Variants in ZBTB24 observed in about 807,000 individuals in gnomAD.
ZBTB24 encodes the protein zinc finger and BTB domain containing 24.
ZBTB24 carries 32 observed loss-of-function variants against 53.8 expected under a neutral mutation model. The observed-to-expected ratio is 0.60, with a 90% CI of 0.45 to 0.80. The LOEUF (loss-of-function observed/expected upper bound fraction) is 0.80, where lower values mean the gene tolerates loss of function less well. Ranked by LOEUF, ZBTB24 falls within the 30% of genes least tolerant of loss-of-function variation. The pLI is 0.00. For synonymous variants in ZBTB24, 297 were observed against 306.7 expected (o/e 0.97, Z 0.33); for missense variants, 722 against 837.1 (o/e 0.86, Z 1.70).
Position 109,465,894 on chromosome 6 carries a change from T to C in ZBTB24, c.2051A>G (p.His684Arg). ...AAGTGGCGTTGGCTGGGGCACGTGG[T>C]GAGTGGGTGGTGGCGGACCAGGCTC... ...TQEPGPPPPT[H>R]HVPQPTPLGQ... Residue 684 changes from histidine (H) to arginine (R), a missense_variant, in exon 7 of 7, where the codon CAC becomes CGC. Coordinates refer to ENST00000230122, the MANE Select transcript of ZBTB24 (RefSeq NM_014797.3). 6.2e-7 allele frequency: 1 copy of C among 1,614,084 alleles called. No individual in the cohort carries two copies. Among genetic ancestry groups the C allele is most frequent in the Non-Finnish European group, 8.5e-7 (1 of 1,180,014 alleles).
Position 109,476,840 on chromosome 6 carries a change from C to T in ZBTB24, c.1043G>A (p.Arg348Gln), listed in dbSNP as rs764052384. 6.8e-6 allele frequency: 11 copies of T among 1,614,122 alleles called. No homozygotes were observed. Among genetic ancestry groups the T allele is most frequent in the Admixed American group, 1.7e-5 (1 of 60,024 alleles). Residue 348 changes from arginine to glutamine, a missense_variant, in exon 3 of 7, where the codon CGG (arginine) becomes CAG (glutamine). By Grantham distance (43) the Arg-to-Gln change is conservative. Coordinates refer to ENST00000230122, the MANE Select transcript of ZBTB24 (RefSeq NM_014797.3). Reference sequence around the variant, plus strand: ...GCTGCACACGGTGCAGGTGTACGGCCGCTCGCCTGTGTGCATCCTGGTGTG... The same window carrying T: ...GCTGCACACGGTGCAGGTGTACGGCTGCTCGCCTGTGTGCATCCTGGTGTG... ...QVHTRMHTGERPYTCTVCSKA... is the reference protein window; with the variant it reads ...QVHTRMHTGEQPYTCTVCSKA...
At position 109,466,523 on chromosome 6, in the gene ZBTB24, G is replaced by A. The variant is rs769683635; in HGVS notation, c.1422C>T (p.Ser474=). ...CGICGKSFSD[S]SAKRRHCILH... is the part of the protein sequence containing the mutation. The stretch of plus-strand genomic sequence containing the variant: ...GAATGCAGTGTCTCCTTTTGGCACT[G>A]GAGTCAGAGAAGGATTTGCCACAAA... Residue 474 remains serine, a synonymous_variant, in exon 7 of 7, where the codon TCC becomes TCT. Coordinates refer to ENST00000230122, the MANE Select transcript of ZBTB24 (RefSeq NM_014797.3). 6.2e-7 allele frequency: 1 copy of A among 1,613,816 alleles called. No homozygotes were observed. The highest frequency in any genetic ancestry group is 8.5e-7 in the Non-Finnish European group (1 of 1,180,042).
At chr6:109,473,921 C>CAA (rs933883447) in intron 5 of ZBTB24, among the ~76,000 whole-genome samples, 29 of 144,760 alleles carry the variant, frequency 2.0e-4, no homozygotes, top group African/African-American at 7.3e-4. Flanking sequence ...CCTGTCTCTA[C>CAA]AAAAAAAAAA....
At position 109,464,539 on chromosome 6, in the gene ZBTB24, T is replaced by G. The variant is rs1473688171; in HGVS notation, c.*1312A>C. On this transcript the variant is annotated 3_prime_UTR_variant, in exon 7 of 7. Coordinates refer to ENST00000230122, the MANE Select transcript of ZBTB24 (RefSeq NM_014797.3). ...GGTAAAAGAATTCAATAAGCTTAGCTTGAAAACCTAACCCAAACATAATTT... is the reference window on the plus strand; with the variant it reads ...GGTAAAAGAATTCAATAAGCTTAGCGTGAAAACCTAACCCAAACATAATTT... 6.6e-6 allele frequency: 1 copy of G among 152,334 alleles called. No homozygotes were observed. The highest frequency in any genetic ancestry group is 2.4e-5 in the African/African-American group (1 of 41,582). The allele number at this position is 152,334 out of a possible 1,614,324, so 9.4% of individuals were successfully genotyped here.
chr6:109,467,006 C>G (rs1776059112), intron 6 of ZBTB24, among the ~76,000 whole-genome samples: 1 of 152,150 alleles, frequency 6.6e-6, no homozygotes, highest in South Asian at 2.1e-4. Context: ...ATTTGTGATG[C>G]TGTCAGAAGA....
At chr6:109,479,743 C>T (rs561190184) in intron 2 of ZBTB24, among the ~76,000 whole-genome samples, 5 of 151,764 alleles carry the variant, frequency 3.3e-5, no homozygotes, top group Admixed American at 2.6e-4. Flanking sequence ...GGTGAAACCC[C>T]GTCTCTACTA....
intron 5 of ZBTB24, among the ~76,000 whole-genome samples, chr6:109,469,997 G>C (rs980298526): frequency 1.3e-5 from 2 of 152,178 alleles, no homozygotes; most frequent in African/African-American, 4.8e-5. Flanking sequence ...AGAATGACAT[G>C]CTGAAAGTAC....
chr6:109,470,156 C>T (rs1019826116), intron 5 of ZBTB24, among the ~76,000 whole-genome samples: 13 of 151,962 alleles, frequency 8.6e-5, no homozygotes, highest in African/African-American at 2.7e-4. Flanking sequence ...GCATGGGGAC[C>T]GGAAAGAAGT....
At position 109,481,389 on chromosome 6, in the gene ZBTB24, G is replaced by C; in HGVS notation, c.638C>G (p.Ala213Gly). Residue 213 changes from alanine (A) to glycine (G), a missense_variant, in exon 2 of 7, where the codon GCA becomes GGA. Physicochemically the swap from Ala to Gly is moderately conservative, Grantham distance 60. Coordinates refer to ENST00000230122, the MANE Select transcript of ZBTB24 (RefSeq NM_014797.3). ...DSGVLNEQIA[A>G]KEKEESEPTC... is the part of the protein sequence containing the mutation. ...AGGCTCCGATTCTTCCTTTTCTTTT[G>C]CTGCAATTTGCTCATTCAGTACACC... The C allele has an allele frequency of 1.2e-6, 2 of 1,614,010 alleles. No individual in the cohort carries two copies. The highest frequency in any genetic ancestry group is 2.7e-5 in the African/African-American group (2 of 74,956).
Position 109,481,213 on chromosome 6 carries a change from C to A in ZBTB24, c.814G>T (p.Asp272Tyr), listed in dbSNP as rs1582683405. The A allele has an allele frequency of 3.1e-6, 5 of 1,614,078 alleles. No homozygotes were observed. In the East Asian group the frequency reaches 1.1e-4, roughly 36 times the overall value. Residue 272 changes from aspartate to tyrosine, a missense_variant, in exon 2 of 7, where the codon GAT becomes TAT. Coordinates refer to ENST00000230122, the MANE Select transcript of ZBTB24 (RefSeq NM_014797.3). ...TTGGCTGAACCATGGTCCTCTTGATCCCCAACAAGTTTGTAATCTTTAAGT... is the reference window on the plus strand; with the variant it reads ...TTGGCTGAACCATGGTCCTCTTGATACCCAACAAGTTTGTAATCTTTAAGT... ...VKLKDYKLVG[D>Y]QEDHGSAKRI...
Position 109,481,988 on chromosome 6 carries a change from A to C in ZBTB24, c.39T>G (p.Val13=). ...TGTCACTGTGAGCGTCTGAGTGTAC[A>C]ACAAGCTGCCCAGAAGGCTCTGGCG... ...ETSPEPSGQL[V]VHSDAHSDTV... Residue 13 remains valine (V), a synonymous_variant, in exon 2 of 7, where the codon GTT becomes GTG. Coordinates refer to ENST00000230122, the MANE Select transcript of ZBTB24 (RefSeq NM_014797.3). 6.2e-7 allele frequency: 1 copy of C among 1,614,242 alleles called. No individual in the cohort carries two copies. Among genetic ancestry groups the C allele is most frequent in the Non-Finnish European group, 8.5e-7 (1 of 1,180,042 alleles).
At chr6:109,482,735 T>C (rs1027097140) in intron 1 of ZBTB24, among the ~76,000 whole-genome samples, 2 of 152,140 alleles carry the variant, frequency 1.3e-5, no homozygotes, top group South Asian at 2.1e-4. Flanking sequence ...GCACGAACTT[T>C]CTATGGTTGC....
Position 109,482,055 on chromosome 6 carries a change from C to T in ZBTB24, c.-28-1G>A. The T allele has an allele frequency of 6.2e-7, 1 of 1,603,462 alleles. No homozygotes were observed. The highest frequency in any genetic ancestry group is 8.5e-7 in the Non-Finnish European group (1 of 1,170,502). ...CTTCAGAAGCCACTAAGGGTTAAAT[C>T]TGAAATAAGAAAACAAGGTTTAAAA... On this transcript the variant is annotated splice_acceptor_variant, in intron 1 of 6. Coordinates refer to ENST00000230122, the MANE Select transcript of ZBTB24 (RefSeq NM_014797.3). LOFTEE classifies it low-confidence loss of function (5UTR_SPLICE).
chr6:109,475,806 A>G (rs1369898356), intron 4 of ZBTB24, among the ~76,000 whole-genome samples: 1 of 152,210 alleles, frequency 6.6e-6, no homozygotes, highest in Non-Finnish European at 1.5e-5. Context: ...AGGAAAGAAA[A>G]AGGACAACAG....
chr6:109,473,523 C>T (rs967341476), intron 5 of ZBTB24, among the ~76,000 whole-genome samples: 3 of 152,160 alleles, frequency 2.0e-5, no homozygotes, highest in African/African-American at 7.2e-5. Context: ...CATAAAAGAG[C>T]AACTCTCTTT....
In ZBTB24 at chr6:109,481,643, G is replaced by A. The variant is rs201997291; in HGVS notation, c.384C>T (p.Phe128=). 5.6e-6 allele frequency: 9 copies of A among 1,614,184 alleles called. No homozygotes were observed. The highest frequency in any genetic ancestry group is 7.6e-6 in the Non-Finnish European group (9 of 1,180,044). The change falls in exon 2 of 7, where the codon TTC becomes TTT. Residue 128 remains phenylalanine, a synonymous_variant. Coordinates refer to ENST00000230122, the MANE Select transcript of ZBTB24 (RefSeq NM_014797.3). Reference sequence around the variant, plus strand: ...GCTTTGGGGAGCTATGATTATTTTGGAAGTCTGTGTAAGCCTTTACCAGGT... The same window carrying A: ...GCTTTGGGGAGCTATGATTATTTTGAAAGTCTGTGTAAGCCTTTACCAGGT... ...VYDLVKAYTD[F]QNNHSSPKPT...
intron 5 of ZBTB24, among the ~76,000 whole-genome samples, chr6:109,469,344 A>G (rs1776119115): frequency 6.6e-6 from 1 of 152,234 alleles, no homozygotes; most frequent in Admixed American, 6.5e-5. Context: ...ACAATCATCC[A>G]TAACAACATT....
intron 5 of ZBTB24, among the ~76,000 whole-genome samples, chr6:109,472,573 C>T (rs768627634): frequency 2.0e-5 from 3 of 152,164 alleles, no homozygotes; most frequent in Non-Finnish European, 4.4e-5. Flanking sequence ...GCCAGCTCCA[C>T]GCTCCTCCAC....
chr6:109,481,964 G>A lies in ZBTB24; in HGVS notation c.63C>T (p.Asp21=). The A allele has an allele frequency of 6.2e-7, 1 of 1,614,246 alleles. No homozygotes were observed. Among genetic ancestry groups the A allele is most frequent in the South Asian group, 1.1e-5 (1 of 91,086 alleles). Residue 21 remains aspartate (D), a synonymous_variant, in exon 2 of 7, where the codon GAC becomes GAT. Transcript: ENST00000230122. ...GATCCTCAAAACTGGCCAGCACAGT[G>A]TCACTGTGAGCGTCTGAGTGTACAA... ...QLVVHSDAHS[D]TVLASFEDQR...
Sources: allele counts gnomAD v4.1 joint callset (sites outside exome capture counted in the v4.1 genomes callset), GRCh38; gene constraint gnomAD v4.1.1; transcripts MANE v1.5; gene names NCBI Gene and HGNC (gene_info 2026-07-23, HGNC 2026-07-21).